The following TLE2 variants were observed in gnomAD, a reference collection of about 807,000 sequenced individuals.
TLE2 encodes TLE family member 2, transcriptional corepressor, also known as transducin-like enhancer protein 2.
TLE2 carries 74 observed loss-of-function variants against 97.2 expected under a neutral mutation model. That is an observed-to-expected ratio of 0.76 (90% confidence interval 0.63 to 0.92). TLE2 has a LOEUF of 0.92. TLE2 is among the 40% of genes least tolerant of loss of function. TLE2 has a pLI of 0.00. For synonymous variants in TLE2, 499 were observed against 432.1 expected (o/e 1.15, Z -1.92); for missense variants, 1,038 against 1,008.7 (o/e 1.03, Z -0.39).
chr19:3,007,700 A>C (rs216283), intron 14 of TLE2, among the ~76,000 whole-genome samples: 98,478 of 152,078 alleles, frequency 0.65, 32,873 homozygotes, highest in African/African-American at 0.81. Context: ...CCCACAAAGA[A>C]ACCTTGAGTG....
chr19:3,005,672 CGA>C, intron 16 of TLE2, 47 bp downstream of exon 16: 2 of 1,606,638 alleles, frequency 1.2e-6, no homozygotes, highest in Admixed American at 3.4e-5. Flanking sequence ...CCCCCTGCAC[CGA>C]GAGCGGCCGG....
At position 3,039,561 on chromosome 19, in the gene TLE2, T is replaced by G. The variant is rs1452464008; in HGVS notation, c.63+6165A>C. Among the ~76,000 whole-genome samples, 3 of 152,134 alleles carry G rather than the reference T, an allele frequency of 2.0e-5. No individual in the cohort carries two copies. The East Asian group carries it at 5.8e-4, about 29-fold the overall frequency. On this transcript the variant is annotated intron_variant, in intron 1 of 18. Coordinates refer to the TLE2 transcript ENST00000426948. ...AGCCTGGCTAGAGTAGCTCCCCTCC[T>G]CCTACCTGCTCAGCTTCCCTCAGTC...
At position 3,017,735 on chromosome 19, in the gene TLE2, A is replaced by G. The variant is rs1490865125; in HGVS notation, c.570+105T>C. On this transcript the variant is annotated intron_variant, in intron 8 of 19. Coordinates refer to ENST00000262953, the MANE Select transcript of TLE2 (RefSeq NM_003260.5). Reference sequence around the variant, plus strand: ...CCAAAGTGCTGGGATCAAAGGCGTGAGCCACCATGATCGACCTAGGTCTCA... The same window carrying G: ...CCAAAGTGCTGGGATCAAAGGCGTGGGCCACCATGATCGACCTAGGTCTCA... 5 of 1,098,132 alleles carry G rather than the reference A, an allele frequency of 4.6e-6. No individual in the cohort carries two copies. In the East Asian group the frequency reaches 1.0e-4, roughly 23 times the overall value. The allele number at this position is 1,098,132 out of a possible 1,614,324, so 68.0% of individuals were successfully genotyped here.
rs192442531 is a variant in TLE2 at position 3,016,098 on chromosome 19, G to A, written c.571-338C>T. 3.8e-3 allele frequency among the ~76,000 whole-genome samples: 578 copies of A among 151,792 alleles called. 4 individuals are homozygous for A. Among genetic ancestry groups the A allele is most frequent in the African/African-American group, 0.013 (537 of 41,448 alleles). On this transcript the variant is annotated intron_variant, in intron 8 of 19. Coordinates refer to ENST00000262953, the MANE Select transcript of TLE2 (RefSeq NM_003260.5). ...ATTACAGGCGCCACCACCACGCCCAGCTAATTTTTGTATTTTTAATAGAGA... is the reference window on the plus strand; with the variant it reads ...ATTACAGGCGCCACCACCACGCCCAACTAATTTTTGTATTTTTAATAGAGA...
chr19:3,042,502 G>A (rs1026735759), intron 1 of TLE2, among the ~76,000 whole-genome samples: 1 of 150,118 alleles, frequency 6.7e-6, no homozygotes, highest in African/African-American at 2.5e-5. Context: ...GGGATGGTAG[G>A]GAGGGAGGCG....
At chr19:3,041,172 G>A (rs112025644) in intron 1 of TLE2, among the ~76,000 whole-genome samples, 1 of 150,618 alleles carries the variant, frequency 6.6e-6, no homozygotes, top group Non-Finnish European at 1.5e-5. Flanking sequence ...GATTACAGGT[G>A]CGTGCCACCA....
At chr19:3,035,742 C>A (rs755067322) in intron 1 of TLE2, among the ~76,000 whole-genome samples, 1 of 152,186 alleles carries the variant, frequency 6.6e-6, no homozygotes, top group Admixed American at 6.5e-5. Flanking sequence ...AGGAGACCAG[C>A]AACCAATGGC....
At chr19:3,006,198 C>T (rs1801216909) in intron 15 of TLE2, 2 of 982,114 alleles carry the variant, frequency 2.0e-6, no homozygotes, top group Non-Finnish European at 3.2e-6. Flanking sequence ...GGCCTGCAAA[C>T]CCTGTCCTGA....
chr19:3,010,824 TCA>T (rs1178324590), intron 12 of TLE2, among the ~76,000 whole-genome samples, 196 bp downstream of exon 12: 3 of 151,942 alleles, frequency 2.0e-5, no homozygotes, highest in Non-Finnish European at 4.4e-5. Context: ...TCTCCAGGCC[TCA>T]GTTTCCCTAC....
rs2089994747 is a variant in TLE2 at position 3,029,048 on chromosome 19, T to TGGAGTCCCTGGCGCGCCCCC, written c.-164_-145dup. ...AGAAGCGGCGCGGGGCAAGGGACCCTGGAGTCCCTGGCGCGCCCCCAAGCG... is the reference window on the plus strand; with the variant it reads ...AGAAGCGGCGCGGGGCAAGGGACCCTGGAGTCCCTGGCGCGCCCCCGGAGTCCCTGGCGCGCCCCCAAGCG... On this transcript the variant is annotated 5_prime_UTR_variant, in exon 1 of 20. Transcript: ENST00000262953. 7.1e-7 allele frequency: 1 copy of TGGAGTCCCTGGCGCGCCCCC among 1,407,422 alleles called. No homozygotes were observed. Among genetic ancestry groups the TGGAGTCCCTGGCGCGCCCCC allele is most frequent in the Non-Finnish European group, 9.3e-7 (1 of 1,078,886 alleles). The allele number at this position is 1,407,422 out of a possible 1,614,324, so 87.2% of individuals were successfully genotyped here. A position where few individuals can be genotyped will look rare whatever the true frequency, so the allele number is the denominator to read the frequency against.
intron 1 of TLE2, among the ~76,000 whole-genome samples, chr19:3,043,675 T>C (rs972147516): frequency 1.3e-5 from 2 of 149,034 alleles, no homozygotes; most frequent in Non-Finnish European, 3.0e-5. Flanking sequence ...CCAGGCATGG[T>C]GGCGGGCGCC....
At chr19:3,031,064 G>C (rs1158410541), upstream of TLE2, among the ~76,000 whole-genome samples, 1 of 152,128 alleles carries the variant, frequency 6.6e-6, no homozygotes, top group African/African-American at 2.4e-5. Context: ...GGGATTGTAA[G>C]GGTGGATAAG....
rs114410522 is a variant in TLE2 at position 3,014,868 on chromosome 19, T to C, written c.679-254A>G. On this transcript the variant is annotated intron_variant, in intron 9 of 19. Coordinates refer to ENST00000262953, the MANE Select transcript of TLE2 (RefSeq NM_003260.5). Reference sequence around the variant, plus strand: ...AAGGATGTGGACTACATGAGTGCCCTGTGTGACTCCCGGCCCTCTCAGGCC... The same window carrying C: ...AAGGATGTGGACTACATGAGTGCCCCGTGTGACTCCCGGCCCTCTCAGGCC... 2.0e-3 allele frequency among the ~76,000 whole-genome samples: 307 copies of C among 152,094 alleles called. 1 individual carries two copies. The highest frequency in any genetic ancestry group is 7.2e-3 in the African/African-American group (300 of 41,478).
At chr19:3,026,570 G>T (rs528197624) in intron 4 of TLE2, among the ~76,000 whole-genome samples, 1 of 150,112 alleles carries the variant, frequency 6.7e-6, no homozygotes, top group African/African-American at 2.5e-5. Context: ...TATGATAATC[G>T]CAGAACCCTG....
intron 1 of TLE2, among the ~76,000 whole-genome samples, chr19:3,035,389 C>A (rs2090054248): frequency 6.6e-6 from 1 of 152,104 alleles, no homozygotes; most frequent in Non-Finnish European, 1.5e-5. Context: ...CCCCTCTTTG[C>A]GCCTCAGTTT....
chr19:3,006,719 AC>A lies in TLE2; in HGVS notation c.1251-51del, dbSNP rs539287416. 14,791 of 1,534,932 alleles carry A rather than the reference AC, an allele frequency of 9.6e-3. 95 individuals carry two copies. Among genetic ancestry groups the A allele is most frequent in the Non-Finnish European group, 0.011 (12,973 of 1,138,368 alleles). ...CCAGCCCTGGGCACCACGCCCCCGC[AC>A]CCGCACCTGGGAGGGCAGGGAGACG... On this transcript the variant is annotated intron_variant, in intron 14 of 19. Transcript: ENST00000262953.
At position 3,000,691 on chromosome 19, in the gene TLE2, G is replaced by A. The variant is rs1319652205; in HGVS notation, c.2080C>T (p.Leu694=). The A allele has an allele frequency of 1.9e-6, 3 of 1,594,662 alleles. No individual in the cohort carries two copies. The highest frequency in any genetic ancestry group is 1.8e-5 in the Admixed American group (1 of 57,014). The change falls in exon 19 of 20, where the codon CTG becomes TTG. Residue 694 remains leucine (L), a synonymous_variant. Coordinates refer to ENST00000262953, the MANE Select transcript of TLE2 (RefSeq NM_003260.5). The part of the protein sequence containing the change: ...RWFVSTGKDN[L]LNAWRTPYGA... ...TACGGCGTCCTCCAGGCGTTGAGCA[G>A]GTTGTCCTTCCCGGTGCTCACAAAC...
chr19:2,998,203 T>G (rs903100076), intron 19 of TLE2, among the ~76,000 whole-genome samples: 3 of 149,912 alleles, frequency 2.0e-5, no homozygotes, highest in African/African-American at 2.5e-5. Flanking sequence ...CCCAAATAGC[T>G]GGGATTATAG....
rs1568233687 is a variant in TLE2 at position 3,006,594 on chromosome 19, C to CG, written c.1325dup (p.Ile444HisfsTer80). The CG allele has an allele frequency of 5.0e-6, 8 of 1,607,970 alleles. No homozygotes were observed. The highest frequency in any genetic ancestry group is 6.8e-6 in the Non-Finnish European group (8 of 1,177,860). On this transcript the variant is annotated frameshift_variant, in exon 15 of 20. Coordinates refer to ENST00000262953, the MANE Select transcript of TLE2 (RefSeq NM_003260.5). LOFTEE classifies it high-confidence loss of function. ...GCTGCCGGGCGTGCCGCGGGATGCC[C>CG]GCGCCTACCAGTGCATCCGAGGGGA...
Sources: gnomAD v4.1 joint callset for allele counts (sites outside exome capture counted in the v4.1 genomes callset) on GRCh38, gnomAD v4.1.1 for gene constraint, MANE v1.5 for transcripts, NCBI Gene and HGNC (gene_info 2026-07-23, HGNC 2026-07-21) for gene names.